SNTG1: variants seen among roughly 807,000 people sequenced by gnomAD.
The protein encoded by SNTG1 is syntrophin gamma 1, also known as gamma-1-syntrophin.
Under a neutral mutation model 74.7 loss-of-function variants are expected in SNTG1, and 39 were observed. The ratio of observed to expected loss-of-function variants is 0.52; its 90% CI spans 0.40 to 0.68. The LOEUF (loss-of-function observed/expected upper bound fraction) is 0.68. Ranked by LOEUF, SNTG1 falls within the 30% of genes least tolerant of loss-of-function variation. The pLI is 0.00. For synonymous variants in SNTG1, 254 were observed against 217.1 expected, an observed-to-expected ratio of 1.17 and a Z score of -1.49; for missense variants, 685 against 609.5, an observed-to-expected ratio of 1.12 and a Z score of -1.30.
intron 2 of SNTG1, among the ~76,000 whole-genome samples, chr8:50,383,235 G>A (rs2092518737): frequency 2.0e-5 from 3 of 152,024 alleles, no homozygotes; most frequent in South Asian, 2.1e-4. Context: ...TCCTTCTAAC[G>A]AATATGATAC....
At chr8:50,325,959 T>C (rs1587140141) in intron 2 of SNTG1, among the ~76,000 whole-genome samples, 1 of 150,852 alleles carries the variant, frequency 6.6e-6, no homozygotes, top group African/African-American at 2.5e-5. Flanking sequence ...AATTTTATCA[T>C]ACTTTTTTTT....
chr8:49,966,301 A>G (rs1476874911), intron 1 of SNTG1, among the ~76,000 whole-genome samples: 4 of 152,274 alleles, frequency 2.6e-5, no homozygotes, highest in Non-Finnish European at 5.9e-5. Flanking sequence ...TTTGTACGGG[A>G]AATACAGTCA....
intron 8 of SNTG1, among the ~76,000 whole-genome samples, chr8:50,489,449 C>A (rs553708516): frequency 7.9e-4 from 120 of 152,318 alleles, no homozygotes; most frequent in African/African-American, 2.8e-3. Flanking sequence ...TGTTTCCTGA[C>A]CTTTTAATGA....
intron 2 of SNTG1, among the ~76,000 whole-genome samples, chr8:50,347,812 T>A (rs890781806): frequency 6.6e-6 from 1 of 152,222 alleles, no homozygotes; most frequent in Admixed American, 6.5e-5. Context: ...TTCAATTCAA[T>A]TGCATGGGTA....
In SNTG1 at chr8:50,732,933, G is replaced by T. The variant is rs1385340536; in HGVS notation, c.1285-19068G>T. Among the ~76,000 whole-genome samples, 21 of 151,732 alleles carry T rather than the reference G, an allele frequency of 1.4e-4. No homozygotes were observed. In the East Asian group the frequency reaches 4.1e-3, roughly 29 times the overall value. On this transcript the variant is annotated intron_variant, in intron 17 of 18. Transcript: ENST00000642720. Reference sequence around the variant, plus strand: ...TTCTGCAATATTTTTTGTATTTTGTGTATTTTTTTCAACTTTTATTTTAGA... The same window carrying T: ...TTCTGCAATATTTTTTGTATTTTGTTTATTTTTTTCAACTTTTATTTTAGA...
intron 15 of SNTG1, among the ~76,000 whole-genome samples, chr8:50,664,090 T>A (rs1284037772): frequency 1.3e-5 from 2 of 152,038 alleles, no homozygotes; most frequent in Non-Finnish European, 2.9e-5. Context: ...AAATTTAGGA[T>A]CAACAATTGG....
Position 50,239,333 on chromosome 8 carries a change from T to C in SNTG1, c.-28+66698T>C, listed in dbSNP as rs568962336. ...ACTGGGTAATTTATAAACAAAGGAG[T>C]TTTAATTGTCTCACAGTTCTGCATG... is the stretch of plus-strand genomic sequence containing the variant. On this transcript the variant is annotated intron_variant, in intron 2 of 18. Transcript: ENST00000642720. Among the ~76,000 whole-genome samples the C allele has an allele frequency of 2.0e-5, 3 of 151,710 alleles. No homozygotes were observed. The South Asian group carries it at 6.2e-4, about 32-fold the overall frequency.
At chr8:50,724,583 A>G (rs542478935) in intron 17 of SNTG1, among the ~76,000 whole-genome samples, 1 of 152,314 alleles carries the variant, frequency 6.6e-6, no homozygotes, top group African/African-American at 2.4e-5. Flanking sequence ...ATTTCATTCT[A>G]TTAATTATCT....
intron 1 of SNTG1, among the ~76,000 whole-genome samples, chr8:49,988,592 A>G (rs1407361098): frequency 6.6e-6 from 1 of 152,196 alleles, no homozygotes; most frequent in East Asian, 1.9e-4. Flanking sequence ...GAAAATTTGA[A>G]TGTATGTTGC....
At chr8:50,692,353 C>T (rs1011887809) in intron 15 of SNTG1, among the ~76,000 whole-genome samples, 4 of 152,136 alleles carry the variant, frequency 2.6e-5, no homozygotes, top group African/African-American at 9.7e-5. Flanking sequence ...AGTTTTTCTG[C>T]TCTATTTTTT....
intron 8 of SNTG1, among the ~76,000 whole-genome samples, chr8:50,491,940 G>C (rs573253088): frequency 7.9e-6 from 1 of 125,978 alleles, no homozygotes; most frequent in Non-Finnish European, 1.6e-5. Context: ...CTATGTCCAC[G>C]TGTCCTCACT....
intron 2 of SNTG1, among the ~76,000 whole-genome samples, chr8:50,185,420 C>T (rs2083344124): frequency 6.6e-6 from 1 of 152,142 alleles, no homozygotes; most frequent in Non-Finnish European, 1.5e-5. Flanking sequence ...TTATTTACAG[C>T]AGTGAGTGTG....
intron 1 of SNTG1, among the ~76,000 whole-genome samples, chr8:49,915,369 T>C (rs941836073): frequency 7.9e-5 from 12 of 152,132 alleles, no homozygotes; most frequent in African/African-American, 2.4e-4. Context: ...TCAAAAAAAA[T>C]CCCACTAATT....
intron 2 of SNTG1, among the ~76,000 whole-genome samples, chr8:50,217,008 AAT>A (rs915358645): frequency 6.6e-6 from 1 of 151,190 alleles, no homozygotes; most frequent in Admixed American, 6.6e-5. Context: ...AAATTTATAA[AAT>A]ATATATATAT....
intron 18 of SNTG1, among the ~76,000 whole-genome samples, chr8:50,781,889 G>T (rs565644914): frequency 2.6e-5 from 4 of 152,108 alleles, no homozygotes; most frequent in Non-Finnish European, 5.9e-5. Context: ...AACTCTTTTA[G>T]GGTAGGCCTG....
chr8:50,037,889 T>G (rs543859480), intron 1 of SNTG1, among the ~76,000 whole-genome samples: 1 of 152,338 alleles, frequency 6.6e-6, no homozygotes, highest in East Asian at 1.9e-4. Flanking sequence ...TTACTCAATG[T>G]TAGCCATGAA....
intron 1 of SNTG1, among the ~76,000 whole-genome samples, chr8:50,140,269 C>T (rs2081612450): frequency 6.6e-6 from 1 of 152,066 alleles, no homozygotes; most frequent in South Asian, 2.1e-4. Context: ...CTGGAAGGAT[C>T]CCACATTGTC....
rs140427112 is a variant in SNTG1 at position 50,773,811 on chromosome 8, A to G, written c.1396-18860A>G. Among the ~76,000 whole-genome samples, 141 of 152,284 alleles carry G rather than the reference A, an allele frequency of 9.3e-4. 3 individuals carry two copies. The East Asian group carries it at 0.024, about 26-fold the overall frequency. ...GTGCACTTACTAGTAAAATAATTTC[A>G]ATTGTGTATTACAAATATATTAACT... is the stretch of plus-strand genomic sequence containing the variant. On this transcript the variant is annotated intron_variant, in intron 18 of 18. Coordinates refer to ENST00000642720, the MANE Select transcript of SNTG1 (RefSeq NM_018967.5).
At chr8:49,993,818 T>G (rs1443051632) in intron 1 of SNTG1, among the ~76,000 whole-genome samples, 2 of 152,224 alleles carry the variant, frequency 1.3e-5, no homozygotes, top group Non-Finnish European at 2.9e-5. Flanking sequence ...GATGGGATTT[T>G]GGGTTGGTCC....
Sources: gnomAD v4.1 joint callset for allele counts (sites outside exome capture counted in the v4.1 genomes callset) on GRCh38, gnomAD v4.1.1 for gene constraint, MANE v1.5 for transcripts, NCBI Gene and HGNC (gene_info 2026-07-23, HGNC 2026-07-21) for gene names.